The following SETX variants were observed in gnomAD, a reference collection of about 807,000 sequenced individuals.
The protein encoded by SETX is helicase senataxin.
SETX carries 90 observed loss-of-function variants against 227.2 expected under a neutral mutation model. That is an observed-to-expected ratio of 0.40 (90% CI 0.33 to 0.47). The LOEUF (loss-of-function observed/expected upper bound fraction) is 0.47, where lower values mean the gene tolerates loss of function less well. SETX is among the 20% of genes least tolerant of loss of function. The probability of loss-of-function intolerance (pLI) is 0.91; values close to 1 mark genes in which losing one functional copy is unlikely to be tolerated. For synonymous variants in SETX, 1,210 were observed against 1,113.2 expected, an observed-to-expected ratio of 1.09 and a Z score of -1.73; for missense variants, 3,052 against 3,181.5, an observed-to-expected ratio of 0.96 and a Z score of 0.98.
intron 7 of SETX, among the ~76,000 whole-genome samples, chr9:132,332,356 T>C (rs566196890): frequency 3.3e-5 from 5 of 152,298 alleles, no homozygotes; most frequent in African/African-American, 1.2e-4. Context: ...CCTCCTCCTA[T>C]ATTAAACATT....
chr9:132,306,587 T>G (rs779327978), intron 11 of SETX, among the ~76,000 whole-genome samples: 10 of 152,228 alleles, frequency 6.6e-5, no homozygotes, highest in Non-Finnish European at 1.5e-4. Flanking sequence ...TAAAATATAA[T>G]TAGGTTCACC....
chr9:132,311,455 G>C (rs983278044), intron 11 of SETX, among the ~76,000 whole-genome samples: 1 of 152,094 alleles, frequency 6.6e-6, no homozygotes, highest in African/African-American at 2.4e-5. Flanking sequence ...CTCAGAATCT[G>C]TAAAGACTAT....
chr9:132,330,933 T>C (rs1045860117), intron 9 of SETX, 119 bp downstream of exon 9: 5 of 796,926 alleles, frequency 6.3e-6, no homozygotes, highest in Admixed American at 1.9e-5. Flanking sequence ...GGCTTTTACA[T>C]AGCAGTAGAT....
chr9:132,296,908 G>C lies in SETX; in HGVS notation c.5928C>G (p.Leu1976=). 1 of 1,614,148 alleles carries C rather than the reference G, an allele frequency of 6.2e-7. No homozygotes were observed. The highest frequency in any genetic ancestry group is 8.5e-7 in the Non-Finnish European group (1 of 1,180,030). ...CTACCTCTGTCAGTAGACGATAGAG[G>C]AGGCCAACAATAGTTTTTGATTTTC... is the stretch of plus-strand genomic sequence containing the variant. ...GTGKSKTIVG[L]LYRLLTENQR... is the part of the protein sequence containing the mutation. Residue 1976 remains leucine (L), a synonymous_variant, in exon 14 of 26, where the codon CTC becomes CTG. Transcript: ENST00000224140.
chr9:132,302,356 C>CAAA lies in SETX; in HGVS notation c.5375-1556_5375-1554dup, dbSNP rs35649212. On this transcript the variant is annotated intron_variant, in intron 11 of 25. Coordinates refer to ENST00000224140, the MANE Select transcript of SETX (RefSeq NM_015046.7). ...TGGGTGACAGAGCAAGAATCCATCT[C>CAAA]AAAAAAAAAAAAAAAAAAAAAGGCC... 4.3e-3 allele frequency among the ~76,000 whole-genome samples: 119 copies of CAAA among 27,786 alleles called. 9 individuals are homozygous for CAAA. Among genetic ancestry groups the CAAA allele is most frequent in the African/African-American group, 0.015 (101 of 6,732 alleles). 18.2% of individuals were successfully genotyped at this position (27,786 alleles called of 152,430 possible). A position where few individuals can be genotyped will look rare whatever the true frequency, so the allele number is the denominator to read the frequency against.
At chr9:132,288,113 C>T in intron 17 of SETX, 123 bp downstream of exon 17, 1 of 748,494 alleles carries the variant, frequency 1.3e-6, no homozygotes, top group East Asian at 2.8e-5. Context: ...GAAGGTGAGG[C>T]TGCAGTGAGT....
Position 132,329,778 on chromosome 9 carries a change from T to G in SETX, c.1820A>C (p.Asp607Ala), listed in dbSNP as rs147531100. ...AGAGATTTTACATGCAGAAGTCAGA[T>G]CCACAAAAGTGTTACATGGAGGTGC... ...FKAPPCNTFV[D>A]LTSACKISPA... The change falls in exon 10 of 26, where the codon GAT (aspartate) becomes GCT (alanine). Residue 607 changes from aspartate to alanine, a missense_variant. Transcript: ENST00000224140. 3.1e-6 allele frequency: 5 copies of G among 1,614,114 alleles called. No homozygotes were observed. The African/African-American group carries it at 4.0e-5, about 13-fold the overall frequency.
intron 12 of SETX, 45 bp downstream of exon 12, chr9:132,300,585 A>T: frequency 6.3e-7 from 1 of 1,581,868 alleles, no homozygotes; most frequent in Non-Finnish European, 8.7e-7. Flanking sequence ...TTATTAGATG[A>T]GACTGTATCT....
At chr9:132,283,563 A>C in intron 18 of SETX, 150 bp from the exon 19 acceptor site, 1 of 903,082 alleles carries the variant, frequency 1.1e-6, no homozygotes, top group Middle Eastern at 3.3e-4. Flanking sequence ...CCTCAAATCT[A>C]GGAAACAGCA....
chr9:132,266,638 G>A (rs1331785097), intron 25 of SETX, among the ~76,000 whole-genome samples: 2 of 152,130 alleles, frequency 1.3e-5, no homozygotes, highest in African/African-American at 4.8e-5. Context: ...CAAGTGTAGT[G>A]GTGCACAGCT....
At chr9:132,278,031 T>C in intron 21 of SETX, 39 bp downstream of exon 21, 3 of 1,580,038 alleles carry the variant, frequency 1.9e-6, no homozygotes, top group African/African-American at 1.3e-5. Context: ...GTAGCTAAAC[T>C]ACAACAAAAT....
chr9:132,321,673 A>C (rs1589723117), intron 10 of SETX, among the ~76,000 whole-genome samples: 1 of 132,526 alleles, frequency 7.5e-6, no homozygotes, highest in East Asian at 2.2e-4. Context: ...AAAAAAAAAA[A>C]CTACAAAAAA....
chr9:132,311,719 T>C (rs748748033), intron 11 of SETX, 38 bp downstream of exon 11: 5 of 1,360,624 alleles, frequency 3.7e-6, no homozygotes, highest in Non-Finnish European at 5.2e-6. Context: ...CTCCAATTAT[T>C]ATATCATATA....
Position 132,331,592 on chromosome 9 carries a change from A to G in SETX, c.839-144T>C, listed in dbSNP as rs580964. On this transcript the variant is annotated intron_variant, in intron 7 of 25. Transcript: ENST00000224140. ...GCAAATAATTTAAAGCAGTGCCGCCACCAGTCCTCAGACACACAGAGGGTT... is the reference window on the plus strand; with the variant it reads ...GCAAATAATTTAAAGCAGTGCCGCCGCCAGTCCTCAGACACACAGAGGGTT... 740,819 of 825,928 alleles carry G rather than the reference A, an allele frequency of 0.9. 333,447 individuals carry two copies. The highest frequency in any genetic ancestry group is 0.92 in the Non-Finnish European group (470,286 of 510,766). 51.2% of individuals were successfully genotyped at this position (825,928 alleles called of 1,614,324 possible).
chr9:132,279,061 T>C (rs1843346949), intron 20 of SETX, among the ~76,000 whole-genome samples: 1 of 149,596 alleles, frequency 6.7e-6, no homozygotes, highest in African/African-American at 2.5e-5. Flanking sequence ...AAGTCAGCAC[T>C]TGGGAAGTTT....
upstream of SETX, among the ~76,000 whole-genome samples, chr9:132,355,855 C>T (rs536756520): frequency 6.6e-6 from 1 of 151,860 alleles, no homozygotes; most frequent in Non-Finnish European, 1.5e-5. Context: ...GGCGTGGTGG[C>T]GGGTGCCTGT....
intron 9 of SETX, among the ~76,000 whole-genome samples, 159 bp downstream of exon 9, chr9:132,330,893 C>T (rs1326545474): frequency 6.6e-6 from 1 of 152,224 alleles, no homozygotes; most frequent in African/African-American, 2.4e-5. Context: ...TCTTCCCCAA[C>T]ACACAATACA....
chr9:132,333,636 A>G (rs1847408796), intron 7 of SETX, among the ~76,000 whole-genome samples: 2 of 152,070 alleles, frequency 1.3e-5, no homozygotes, highest in Non-Finnish European at 2.9e-5. Context: ...TAAAGATTAG[A>G]AGCACTTATT....
chr9:132,339,367 T>C (rs1277166437), intron 5 of SETX, among the ~76,000 whole-genome samples: 3 of 152,010 alleles, frequency 2.0e-5, no homozygotes, highest in African/African-American at 4.8e-5. Context: ...TTTGGTGAAA[T>C]GCCTGAGCCT....
Sources: allele counts gnomAD v4.1 joint callset (sites outside exome capture counted in the v4.1 genomes callset), GRCh38; gene constraint gnomAD v4.1.1; transcripts MANE v1.5; gene names NCBI Gene and HGNC (gene_info 2026-07-23, HGNC 2026-07-21).